Variants in SNX11 observed in about 807,000 individuals in gnomAD.
SNX11 encodes the protein sorting nexin-11.
In SNX11, 19 loss-of-function variants were observed where a neutral mutation model predicts 30.7. That is an observed-to-expected ratio of 0.62 (90% CI 0.43 to 0.91). The LOEUF (loss-of-function observed/expected upper bound fraction) is 0.91. Among genes scored for constraint, SNX11 ranks in the 40% least tolerant of loss-of-function variants. The probability of loss-of-function intolerance (pLI) is 0.00; values close to 1 mark genes in which losing one functional copy is unlikely to be tolerated. For synonymous variants in SNX11, 112 were observed against 119.0 expected (o/e 0.94, Z 0.38); for missense variants, 302 against 326.7 (o/e 0.92, Z 0.58).
intron 4 of SNX11, among the ~76,000 whole-genome samples, chr17:48,116,685 A>C (rs775244269): frequency 3.2e-4 from 48 of 150,052 alleles, no homozygotes; most frequent in Non-Finnish European, 6.3e-4. Context: ...CTTCTGCCTC[A>C]GCCTCCTGAG....
chr17:48,114,189 C>T (rs2063520214), intron 4 of SNX11, among the ~76,000 whole-genome samples: 1 of 137,812 alleles, frequency 7.3e-6, no homozygotes, highest in African/African-American at 2.7e-5. Flanking sequence ...TTTTTTGAGA[C>T]TGAGTTTTGC....
At chr17:48,111,285 G>A (rs1284898735) in intron 1 of SNX11, among the ~76,000 whole-genome samples, 2 of 152,152 alleles carry the variant, frequency 1.3e-5, no homozygotes, top group Non-Finnish European at 2.9e-5. Flanking sequence ...AAATGCAGAA[G>A]CATTGGTGTT....
At chr17:48,117,457 G>A (rs1011456460) in intron 4 of SNX11, among the ~76,000 whole-genome samples, 3 of 151,388 alleles carry the variant, frequency 2.0e-5, no homozygotes, top group Non-Finnish European at 2.9e-5. Flanking sequence ...GGGTTTCACC[G>A]TGTTAGCCAG....
chr17:48,120,507 C>CTTTTTTT (rs71141968), intron 6 of SNX11, among the ~76,000 whole-genome samples: 3 of 69,536 alleles, frequency 4.3e-5, no homozygotes, highest in African/African-American at 6.2e-5. Flanking sequence ...CGCACCTGGC[C>CTTTTTTT]TTTTTTTTTT....
At chr17:48,113,457 G>A (rs8080662) in intron 4 of SNX11, 56 bp downstream of exon 4, 945,292 of 1,215,312 alleles carry the variant, frequency 0.78, 369,677 homozygotes, top group Admixed American at 0.85. Context: ...GGGTGCTTAT[G>A]TAGGAACTGG....
At chr17:48,111,955 C>G (rs2063496637) in intron 1 of SNX11, 76 bp from the exon 2 acceptor site, 1 of 1,239,104 alleles carries the variant, frequency 8.1e-7, no homozygotes, top group South Asian at 1.2e-5. Context: ...TAAAAACTTT[C>G]GGGGTTTTCC....
chr17:48,110,059 G>GA (rs2063476569), intron 1 of SNX11, among the ~76,000 whole-genome samples: 1 of 152,064 alleles, frequency 6.6e-6, no homozygotes, highest in Non-Finnish European at 1.5e-5. Context: ...TTTGTTTAAA[G>GA]ACACTTCAGA....
At chr17:48,120,847 A>C (rs2063592782) in intron 6 of SNX11, among the ~76,000 whole-genome samples, 1 of 150,512 alleles carries the variant, frequency 6.6e-6, no homozygotes, top group South Asian at 2.1e-4. Context: ...GGGTTTCACC[A>C]GGTTACCCAG....
intron 1 of SNX11, among the ~76,000 whole-genome samples, chr17:48,110,521 T>C (rs971313737): frequency 6.6e-6 from 1 of 152,236 alleles, no homozygotes; most frequent in African/African-American, 2.4e-5. Flanking sequence ...ATGTTAGCCT[T>C]GTGTTAGCAA....
At chr17:48,119,878 C>A (rs577429838) in intron 6 of SNX11, among the ~76,000 whole-genome samples, 2 of 152,218 alleles carry the variant, frequency 1.3e-5, no homozygotes, top group East Asian at 3.9e-4. Flanking sequence ...TTTCATCACC[C>A]CGAAAGAAAC....
chr17:48,113,490 C>G, intron 4 of SNX11, 89 bp downstream of exon 4: 1 of 856,588 alleles, frequency 1.2e-6, no homozygotes, highest in East Asian at 2.5e-5. Context: ...AGAGAACTTG[C>G]AACATACCAG....
chr17:48,112,170 T>C (rs2063498854), intron 2 of SNX11, 85 bp downstream of exon 2: 3 of 1,197,642 alleles, frequency 2.5e-6, no homozygotes, highest in Non-Finnish European at 3.8e-6. Context: ...TGCAAATCAT[T>C]AATTATTACC....
chr17:48,111,074 A>C (rs1354887482), intron 1 of SNX11: 1 of 985,080 alleles, frequency 1.0e-6, no homozygotes, highest in Non-Finnish European at 1.2e-6. Flanking sequence ...CGACCTGTGC[A>C]GCTGTGGGGT....
At chr17:48,118,883 C>G (rs1253090178) in intron 5 of SNX11, 84 bp downstream of exon 5, 2 of 1,549,486 alleles carry the variant, frequency 1.3e-6, no homozygotes, top group African/African-American at 2.7e-5. Flanking sequence ...GAGCTCCCTG[C>G]TCAGGTAGCC....
Position 48,112,671 on chromosome 17 carries a change from C to T in SNX11, c.129+11C>T, listed in dbSNP as rs1220594120. 1.3e-6 allele frequency: 2 copies of T among 1,587,000 alleles called. No individual in the cohort carries two copies. ...AAGATATTCCTCCATGTGAGTACATCAAGCTTCTGTATTGGGGTCAGCGCT... is the reference window on the plus strand; with the variant it reads ...AAGATATTCCTCCATGTGAGTACATTAAGCTTCTGTATTGGGGTCAGCGCT... On this transcript the variant is annotated intron_variant, in intron 3 of 6. Coordinates refer to ENST00000359238, the MANE Select transcript of SNX11 (RefSeq NM_013323.3).
At position 48,121,432 on chromosome 17, in the gene SNX11, C is replaced by G. The variant is rs1567781722; in HGVS notation, c.737C>G (p.Ser246Cys). The G allele has an allele frequency of 6.2e-7, 1 of 1,614,160 alleles. No individual in the cohort carries two copies. Among genetic ancestry groups the G allele is most frequent in the Non-Finnish European group, 8.5e-7 (1 of 1,180,012 alleles). ...AAAGAGGGAACCTCCACTCTTCAGT[C>G]TGTGAGGAGGGCTGTGGGAGGAGAT... ...RPKEGTSTLQSVRRAVGGDHA... is the reference protein window; with the variant it reads ...RPKEGTSTLQCVRRAVGGDHA... Residue 246 changes from serine (S) to cysteine (C), a missense_variant, in exon 7 of 7, where the codon TCT becomes TGT. Physicochemically the swap from Ser to Cys is moderately radical, Grantham distance 112. Coordinates refer to ENST00000359238, the MANE Select transcript of SNX11 (RefSeq NM_013323.3).
intron 4 of SNX11, among the ~76,000 whole-genome samples, chr17:48,114,242 C>G (rs2144513630): frequency 6.6e-6 from 1 of 150,916 alleles, no homozygotes. Flanking sequence ...CAACCTCCAC[C>G]TCCCGGGTTC....
Position 48,122,398 on chromosome 17 carries a change from G to C in SNX11, c.*890G>C, listed in dbSNP as rs1227238156. 2 of 153,462 alleles carry C rather than the reference G, an allele frequency of 1.3e-5. No individual in the cohort carries two copies. The allele number at this position is 153,462 out of a possible 1,614,324, so 9.5% of individuals were successfully genotyped here. A position where few individuals can be genotyped will look rare whatever the true frequency, so the allele number is the denominator to read the frequency against. ...CTCTGCTGTGTTGCGCAGTGCAGTG[G>C]GGTGCAAGGGCTTTGTTTCTGCCTG... On this transcript the variant is annotated 3_prime_UTR_variant, in exon 7 of 7. Transcript: ENST00000359238.
In SNX11 at chr17:48,121,645, C is replaced by T. The variant is rs899505912; in HGVS notation, c.*137C>T. 8.1e-6 allele frequency: 7 copies of T among 862,052 alleles called. No individual in the cohort carries two copies. In the Admixed American group the frequency reaches 1.3e-4, roughly 16 times the overall value. 53.4% of individuals were successfully genotyped at this position (862,052 alleles called of 1,614,324 possible). ...AGTCACCTCTGCTTGGGCTGATTGA[C>T]AGAGGTCAGTCATTACAGCCCCTTA... On this transcript the variant is annotated 3_prime_UTR_variant, in exon 7 of 7. Coordinates refer to ENST00000359238, the MANE Select transcript of SNX11 (RefSeq NM_013323.3).
Sources: gnomAD v4.1 joint callset for allele counts (sites outside exome capture counted in the v4.1 genomes callset) on GRCh38, gnomAD v4.1.1 for gene constraint, MANE v1.5 for transcripts, NCBI Gene and HGNC (gene_info 2026-07-23, HGNC 2026-07-21) for gene names.